The following RUFY2 variants were observed in gnomAD, a reference collection of about 807,000 sequenced individuals.
RUFY2 encodes the protein RUN and FYVE domain-containing protein 2.
RUFY2 carries 49 observed loss-of-function variants against 94.4 expected under a neutral mutation model. The ratio of observed to expected loss-of-function variants is 0.52; its 90% CI spans 0.41 to 0.66. The LOEUF is 0.66. RUFY2 is among the 30% of genes least tolerant of loss of function. RUFY2 has a pLI of 0.00. For missense variants in RUFY2, 541 were observed against 692.8 expected, an observed-to-expected ratio of 0.78 and a Z score of 2.46; for synonymous variants, 255 against 235.7, an observed-to-expected ratio of 1.08 and a Z score of -0.75.
intron 12 of RUFY2, 50 bp downstream of exon 12, chr10:68,379,374 A>G (rs369183967): frequency 7.3e-6 from 10 of 1,361,724 alleles, no homozygotes; most frequent in Non-Finnish European, 1.0e-5. Flanking sequence ...TGAATAAAGA[A>G]AAAGGGAAGA....
chr10:68,376,776 G>C lies in RUFY2; in HGVS notation c.1325+77C>G, dbSNP rs544673757. 5 of 1,346,854 alleles carry C rather than the reference G, an allele frequency of 3.7e-6. No homozygotes were observed. The Admixed American group carries it at 7.9e-5, about 21-fold the overall frequency. The allele number at this position is 1,346,854 out of a possible 1,614,324, so 83.4% of individuals were successfully genotyped here. A position where few individuals can be genotyped will look rare whatever the true frequency, so the allele number is the denominator to read the frequency against. On this transcript the variant is annotated intron_variant, in intron 13 of 17. Coordinates refer to ENST00000602465, the MANE Select transcript of RUFY2 (RefSeq NM_001330103.2). Reference sequence around the variant, plus strand: ...CATCATTAGATAAATAAAAATATTGGTATTCTATCATTATGTGCAAAAAAA... The same window carrying C: ...CATCATTAGATAAATAAAAATATTGCTATTCTATCATTATGTGCAAAAAAA...
intron 12 of RUFY2, chr10:68,378,125 C>T (rs756346266): frequency 3.0e-6 from 3 of 985,636 alleles, no homozygotes; most frequent in Non-Finnish European, 2.4e-6. Context: ...AGGGTGTTGG[C>T]CAGTCTGGGT....
At chr10:68,367,778 T>C (rs2047964397) in intron 13 of RUFY2, among the ~76,000 whole-genome samples, 1 of 149,954 alleles carries the variant, frequency 6.7e-6, no homozygotes, top group Non-Finnish European at 1.5e-5. Context: ...TTTCTTTCTT[T>C]TTGTAGAGAC....
chr10:68,358,842 C>T (rs1270453647), intron 15 of RUFY2, among the ~76,000 whole-genome samples: 1 of 151,678 alleles, frequency 6.6e-6, no homozygotes, highest in Non-Finnish European at 1.5e-5. Flanking sequence ...ACCCAGGAGG[C>T]AGATGTTGCA....
intron 12 of RUFY2, chr10:68,378,626 A>G: frequency 6.2e-7 from 1 of 1,613,238 alleles, no homozygotes; most frequent in South Asian, 1.1e-5. Context: ...ACATTTCACC[A>G]ATGACATTGC....
intron 13 of RUFY2, among the ~76,000 whole-genome samples, chr10:68,372,967 A>G (rs906020621): frequency 1.3e-5 from 2 of 152,156 alleles, no homozygotes; most frequent in Non-Finnish European, 2.9e-5. Context: ...TTGGAGCTTC[A>G]GGAATAAAAA....
At chr10:68,392,020 CTTTCT>C (rs772324025) in intron 7 of RUFY2, among the ~76,000 whole-genome samples, 5 of 149,722 alleles carry the variant, frequency 3.3e-5, no homozygotes, top group African/African-American at 7.3e-5. Context: ...TCATATATTT[CTTTCT>C]TTTCTTTTTT....
At chr10:68,347,472 T>C (rs1260263014) in intron 16 of RUFY2, among the ~76,000 whole-genome samples, 1 of 151,912 alleles carries the variant, frequency 6.6e-6, no homozygotes, top group Admixed American at 6.6e-5. Flanking sequence ...TTAGTAGAGA[T>C]GGGGTTTCAC....
chr10:68,376,488 ATAT>A (rs1564816392), intron 13 of RUFY2, among the ~76,000 whole-genome samples: 3 of 22,496 alleles, frequency 1.3e-4, no homozygotes, highest in Admixed American at 5.2e-4. Flanking sequence ...ATATATATAT[ATAT>A]TCTCAGAAAA....
intron 16 of RUFY2, among the ~76,000 whole-genome samples, chr10:68,353,620 C>T (rs1357206502): frequency 1.3e-5 from 2 of 151,668 alleles, no homozygotes; most frequent in African/African-American, 2.4e-5. Flanking sequence ...GACAACACAG[C>T]AGATACTGTC....
At chr10:68,401,012 C>CAAAAAA (rs71470518) in intron 3 of RUFY2, among the ~76,000 whole-genome samples, 39,378 of 151,632 alleles carry the variant, frequency 0.26, 6,848 homozygotes, top group African/African-American at 0.5. Flanking sequence ...GACTCCGTCT[C>CAAAAAA]AAAGAAAAAA....
intron 13 of RUFY2, among the ~76,000 whole-genome samples, chr10:68,370,540 A>C (rs1471611905): frequency 1.3e-5 from 2 of 148,688 alleles, no homozygotes; most frequent in African/African-American, 2.5e-5. Flanking sequence ...CTAGCTACTC[A>C]GGAAGCTTGG....
chr10:68,362,145 C>T (rs1297501911), intron 15 of RUFY2, among the ~76,000 whole-genome samples: 1 of 151,440 alleles, frequency 6.6e-6, no homozygotes, highest in Non-Finnish European at 1.5e-5. Context: ...GACAACATAC[C>T]AAGATCCTAA....
intron 15 of RUFY2, among the ~76,000 whole-genome samples, chr10:68,355,913 C>CAAAAAAAAA (rs368423105): frequency 3.9e-5 from 3 of 76,728 alleles, no homozygotes; most frequent in African/African-American, 4.2e-5. Flanking sequence ...GACTCCATCT[C>CAAAAAAAAA]AAAAAAAAAA....
intron 13 of RUFY2, among the ~76,000 whole-genome samples, chr10:68,365,041 T>C (rs2047709186): frequency 1.3e-5 from 2 of 152,198 alleles, no homozygotes; most frequent in Admixed American, 1.3e-4. Context: ...AATTGCAACA[T>C]TATAATGTTG....
chr10:68,361,953 CACATAAA>C (rs952050972), intron 15 of RUFY2, among the ~76,000 whole-genome samples: 46 of 152,286 alleles, frequency 3.0e-4, no homozygotes, highest in African/African-American at 1.1e-3. Flanking sequence ...ATGTTCTAAT[CACATAAA>C]ACATCAAAGA....
At chr10:68,351,899 A>G (rs2046704401) in intron 16 of RUFY2, among the ~76,000 whole-genome samples, 1 of 151,484 alleles carries the variant, frequency 6.6e-6, no homozygotes, top group Admixed American at 6.6e-5. Context: ...TCTACTAAAT[A>G]TACAAAAATT....
At chr10:68,381,711 G>A (rs2049068743) in intron 10 of RUFY2, among the ~76,000 whole-genome samples, 2 of 152,108 alleles carry the variant, frequency 1.3e-5, no homozygotes, top group Non-Finnish European at 2.9e-5. Context: ...AGCCAGGCAT[G>A]GTGGCACACG....
chr10:68,381,604 G>T (rs1237898684), intron 10 of RUFY2, among the ~76,000 whole-genome samples: 3 of 152,168 alleles, frequency 2.0e-5, no homozygotes, highest in Non-Finnish European at 4.4e-5. Context: ...CAGCACTTTG[G>T]GAGGCCAAGG....
Sources: allele counts gnomAD v4.1 joint callset (sites outside exome capture counted in the v4.1 genomes callset), GRCh38; gene constraint gnomAD v4.1.1; transcripts MANE v1.5; gene names NCBI Gene and HGNC (gene_info 2026-07-23, HGNC 2026-07-21).